The following CDH23 variants were observed in gnomAD, a reference collection of about 807,000 sequenced individuals.
CDH23 encodes cadherin-23.
CDH23 carries 189 observed loss-of-function variants against 317.1 expected under a neutral mutation model. The observed-to-expected ratio is 0.60, with a 90% CI of 0.53 to 0.67. The LOEUF (loss-of-function observed/expected upper bound fraction) is 0.67. CDH23 is among the 30% of genes least tolerant of loss of function. The pLI is 0.00. For missense variants in CDH23, 4,401 were observed against 4,592.4 expected (o/e 0.96, Z 1.20); for synonymous variants, 1,839 against 1,876.8 (o/e 0.98, Z 0.52).
At chr10:71,778,019 G>A (rs1175752535) in intron 39 of CDH23, 118 bp downstream of exon 39, 2 of 1,419,886 alleles carry the variant, frequency 1.4e-6, no homozygotes, top group South Asian at 2.6e-5. Flanking sequence ...AACTGTGGGG[G>A]CACTCAGTGT....
chr10:71,456,406 G>GTTTTGGATGCGGCCATA (rs1564591931), intron 3 of CDH23, among the ~76,000 whole-genome samples: 3 of 151,054 alleles, frequency 2.0e-5, no homozygotes, highest in African/African-American at 7.4e-5. Context: ...CCTCTAAGGT[G>GTTTTGGATGCGGCCATA]ATAGAACAGA....
chr10:71,753,942 G>C, intron 38 of CDH23: 1 of 450,834 alleles, frequency 2.2e-6, no homozygotes, highest in Non-Finnish European at 4.5e-6. Flanking sequence ...TTTGGGGTGA[G>C]GGTTGTTGGT....
intron 38 of CDH23, chr10:71,773,591 G>A: frequency 1.6e-6 from 1 of 619,894 alleles, no homozygotes; most frequent in Non-Finnish European, 2.5e-6. Flanking sequence ...TTCGCGCAGC[G>A]CCCCCGGGGG....
At chr10:71,537,684 G>A (rs530123297) in intron 6 of CDH23, among the ~76,000 whole-genome samples, 1 of 152,292 alleles carries the variant, frequency 6.6e-6, no homozygotes, top group African/African-American at 2.4e-5. Context: ...AAAAACCCCA[G>A]CTGAAGGCAT....
intron 9 of CDH23, among the ~76,000 whole-genome samples, chr10:71,603,699 A>G (rs1164877731): frequency 4.6e-5 from 7 of 152,338 alleles, no homozygotes; most frequent in Non-Finnish European, 7.4e-5. Context: ...AGGGAGCACC[A>G]GTCCCACACA....
chr10:71,401,449 C>T (rs193095208), intron 1 of CDH23, among the ~76,000 whole-genome samples: 182 of 152,336 alleles, frequency 1.2e-3, no homozygotes, highest in African/African-American at 4.2e-3. Flanking sequence ...GGTGATGGTT[C>T]TCTTACCTTC....
At chr10:71,615,697 CTCCT>C in intron 10 of CDH23, 81 bp downstream of exon 10, 1 of 975,790 alleles carries the variant, frequency 1.0e-6, no homozygotes, top group Non-Finnish European at 1.6e-6. Flanking sequence ...TGTCCGAGGG[CTCCT>C]GCCCCCGGTG....
At chr10:71,566,378 T>A (rs1857400170) in intron 6 of CDH23, among the ~76,000 whole-genome samples, 2 of 151,898 alleles carry the variant, frequency 1.3e-5, no homozygotes, top group African/African-American at 4.8e-5. Context: ...GAGGGAGGCT[T>A]GAGGCTGGTC....
chr10:71,550,559 C>CAAAAAAAAAA (rs1222399834), intron 6 of CDH23, among the ~76,000 whole-genome samples: 1 of 45,728 alleles, frequency 2.2e-5, no homozygotes, highest in Non-Finnish European at 4.1e-5. Context: ...GACCCTGTCT[C>CAAAAAAAAAA]AAAAAAAAAA....
intron 18 of CDH23, 101 bp downstream of exon 18, chr10:71,682,673 C>A: frequency 6.9e-7 from 1 of 1,447,680 alleles, no homozygotes; most frequent in Non-Finnish European, 9.5e-7. Context: ...ACCTCCTTGG[C>A]TGTCCCTGCA....
intron 41 of CDH23, among the ~76,000 whole-genome samples, chr10:71,782,837 G>A (rs568177116): frequency 6.6e-6 from 1 of 152,372 alleles, no homozygotes; most frequent in South Asian, 2.1e-4. Flanking sequence ...CCCCAGGCAG[G>A]GTGAAGCCTA....
At position 71,680,984 on chromosome 10, in the gene CDH23, G is replaced by A. The variant is rs548165628; in HGVS notation, c.1859-1461G>A. On this transcript the variant is annotated intron_variant, in intron 17 of 69. Transcript: ENST00000224721. Reference sequence around the variant, plus strand: ...GCTGGGATTACAGTCGTGCCACCACGCCCAGCTAATTTTTGTATTTCTAGT... The same window carrying A: ...GCTGGGATTACAGTCGTGCCACCACACCCAGCTAATTTTTGTATTTCTAGT... Among the ~76,000 whole-genome samples the A allele has an allele frequency of 9.9e-4, 150 of 150,846 alleles. 1 individual carries two copies. The highest frequency in any genetic ancestry group is 3.3e-3 in the African/African-American group (136 of 41,138).
chr10:71,403,346 TCTTTCTTTCTTTCTTTC>T (rs1847888001), intron 1 of CDH23, among the ~76,000 whole-genome samples: 1 of 79,650 alleles, frequency 1.3e-5, no homozygotes, highest in Non-Finnish European at 2.5e-5. Flanking sequence ...TTTCTTTCTT[TCTTTCTTTCTTTCTTTC>T]TTTCTTTCTT....
intron 3 of CDH23, among the ~76,000 whole-genome samples, chr10:71,494,650 G>A (rs888346507): frequency 6.6e-6 from 1 of 152,178 alleles, no homozygotes; most frequent in Non-Finnish European, 1.5e-5. Flanking sequence ...CCGGGACTGC[G>A]GTGAAGCAAG....
chr10:71,815,032 A>T lies in CDH23; in HGVS notation c.9819A>T (p.Pro3273=). ...QGSLRFRHKP[P]VELKGPDGIH... is the part of the protein sequence containing the mutation. The stretch of plus-strand genomic sequence containing the variant: ...GCCTGCGCTTCCGCCACAAGCCACC[A>T]GTGGAGCTCAAGGGGCCCGATGGGA... The change falls in exon 70 of 70, where the codon CCA becomes CCT. Residue 3273 remains proline (P), a synonymous_variant. Transcript: ENST00000224721. The T allele has an allele frequency of 6.2e-7, 1 of 1,612,788 alleles. No homozygotes were observed. The highest frequency in any genetic ancestry group is 8.5e-7 in the Non-Finnish European group (1 of 1,179,744).
intron 45 of CDH23, among the ~76,000 whole-genome samples, chr10:71,789,493 G>A (rs1407751138): frequency 6.6e-6 from 1 of 152,112 alleles, no homozygotes; most frequent in East Asian, 1.9e-4. Context: ...CCACACACAT[G>A]CACTGACCAG....
At chr10:71,469,574 A>G (rs1194625933) in intron 3 of CDH23, among the ~76,000 whole-genome samples, 1 of 151,144 alleles carries the variant, frequency 6.6e-6, no homozygotes, top group Admixed American at 6.6e-5. Flanking sequence ...GTTTTTGGCT[A>G]TTCCAAATAA....
intron 6 of CDH23, among the ~76,000 whole-genome samples, chr10:71,564,760 CTGT>C (rs747601796): frequency 5.3e-5 from 8 of 152,286 alleles, no homozygotes; most frequent in Admixed American, 2.0e-4. Flanking sequence ...ACCCTGTTTC[CTGT>C]TGTTGTTGTT....
intron 6 of CDH23, among the ~76,000 whole-genome samples, chr10:71,563,578 C>A (rs774840501): frequency 2.0e-5 from 3 of 152,216 alleles, no homozygotes; most frequent in Admixed American, 1.3e-4. Context: ...TAATACTTCC[C>A]CCTTTATGTG....
Sources: allele counts gnomAD v4.1 joint callset (sites outside exome capture counted in the v4.1 genomes callset), GRCh38; gene constraint gnomAD v4.1.1; transcripts MANE v1.5; gene names NCBI Gene and HGNC (gene_info 2026-07-23, HGNC 2026-07-21).